EHBP1: variants seen among roughly 807,000 people sequenced by gnomAD.
EHBP1 encodes EH domain-binding protein 1.
EHBP1 carries 55 observed loss-of-function variants against 144.0 expected under a neutral mutation model. That is an observed-to-expected ratio of 0.38 (90% CI 0.31 to 0.48). The LOEUF is 0.48. Among genes scored for constraint, EHBP1 ranks in the 20% least tolerant of loss-of-function variants. The probability of loss-of-function intolerance (pLI) is 0.98; values close to 1 mark genes in which losing one functional copy is unlikely to be tolerated. For missense variants in EHBP1, 1,200 were observed against 1,364.2 expected (o/e 0.88, Z 1.90); for synonymous variants, 469 against 472.7 (o/e 0.99, Z 0.10).
intron 2 of EHBP1, among the ~76,000 whole-genome samples, chr2:62,718,979 A>ATTT (rs1397556532): frequency 7.2e-6 from 1 of 138,276 alleles, no homozygotes. Flanking sequence ...TTGAGGTAGA[A>ATTT]TTTTTTTTTT....
rs1007542487 is a variant in EHBP1 at position 62,792,028 on chromosome 2, A to G, written c.312+20636A>G. Among the ~76,000 whole-genome samples, 5 of 152,052 alleles carry G rather than the reference A, an allele frequency of 3.3e-5. No individual in the cohort carries two copies. The South Asian group carries it at 8.3e-4, about 25-fold the overall frequency. ...CAGAATTTCTGAATACAGTTGTGTT[A>G]TACTCAGCCTTCTTGCCATCCAGAT... On this transcript the variant is annotated intron_variant, in intron 5 of 22. Transcript: ENST00000431489.
chr2:62,742,477 A>G (rs558233404), intron 2 of EHBP1, among the ~76,000 whole-genome samples: 1 of 152,198 alleles, frequency 6.6e-6, no homozygotes, highest in East Asian at 1.9e-4. Context: ...ATAACCTCCT[A>G]AGATACTTAC....
chr2:62,875,936 A>G (rs963841773), intron 10 of EHBP1, among the ~76,000 whole-genome samples: 1 of 151,482 alleles, frequency 6.6e-6, no homozygotes, highest in Non-Finnish European at 1.5e-5. Flanking sequence ...AAAAATACAG[A>G]AAAAAAAAGA....
intron 10 of EHBP1, among the ~76,000 whole-genome samples, chr2:62,920,317 A>G (rs979446008): frequency 7.9e-5 from 12 of 152,208 alleles, no homozygotes; most frequent in African/African-American, 2.4e-4. Flanking sequence ...GACTGATATG[A>G]TATATTCAAA....
intron 2 of EHBP1, among the ~76,000 whole-genome samples, chr2:62,715,735 A>G (rs1229146827): frequency 2.0e-5 from 3 of 152,290 alleles, no homozygotes; most frequent in African/African-American, 2.4e-5. Flanking sequence ...GAGATCAACA[A>G]CTGGGGGATG....
intron 10 of EHBP1, among the ~76,000 whole-genome samples, chr2:62,903,652 G>C (rs1359899305): frequency 6.6e-6 from 1 of 152,100 alleles, no homozygotes; most frequent in African/African-American, 2.4e-5. Context: ...TGTAGTTCCA[G>C]CTTCTTGGGA....
intron 10 of EHBP1, among the ~76,000 whole-genome samples, chr2:62,885,120 C>T (rs1040537688): frequency 1.8e-4 from 27 of 152,114 alleles, no homozygotes; most frequent in African/African-American, 5.1e-4. Flanking sequence ...CAACTGACTG[C>T]GGAGGTGGCA....
At chr2:62,961,985 G>A (rs1450340513) in intron 14 of EHBP1, among the ~76,000 whole-genome samples, 1 of 152,016 alleles carries the variant, frequency 6.6e-6, no homozygotes, top group Admixed American at 6.6e-5. Context: ...TGGAGATTGC[G>A]CCACTACACT....
chr2:62,752,478 A>G (rs188637544), intron 3 of EHBP1, among the ~76,000 whole-genome samples: 5 of 152,208 alleles, frequency 3.3e-5, no homozygotes, highest in African/African-American at 7.2e-5. Flanking sequence ...GGAGAGTTCT[A>G]TAGATGTCTA....
chr2:62,847,291 C>T (rs958038284), intron 7 of EHBP1, among the ~76,000 whole-genome samples: 1 of 152,190 alleles, frequency 6.6e-6, no homozygotes, highest in African/African-American at 2.4e-5. Flanking sequence ...CACCTCTCCA[C>T]ATACATTAAT....
chr2:62,868,802 T>A (rs1265257614), intron 9 of EHBP1, among the ~76,000 whole-genome samples: 2 of 151,810 alleles, frequency 1.3e-5, no homozygotes, highest in Non-Finnish European at 2.9e-5. Context: ...AATTTTTTTT[T>A]AATTAGCTGG....
chr2:62,687,016 G>A (rs1261894172), intron 1 of EHBP1, among the ~76,000 whole-genome samples: 4 of 152,134 alleles, frequency 2.6e-5, no homozygotes, highest in Non-Finnish European at 5.9e-5. Context: ...GTAACTAAAA[G>A]AGCTGTATTC....
At chr2:63,009,631 T>G (rs1030739853) in intron 19 of EHBP1, among the ~76,000 whole-genome samples, 3 of 151,432 alleles carry the variant, frequency 2.0e-5, no homozygotes, top group Non-Finnish European at 4.4e-5. Context: ...ATGGAGTAAT[T>G]GGAGTATATG....
At chr2:62,725,376 G>A (rs1243744538) in intron 2 of EHBP1, among the ~76,000 whole-genome samples, 1 of 152,242 alleles carries the variant, frequency 6.6e-6, no homozygotes, top group East Asian at 1.9e-4. Context: ...CTCCAAGCCA[G>A]TGTTCACCTC....
chr2:62,704,324 A>G (rs2034375155), upstream of EHBP1, among the ~76,000 whole-genome samples: 1 of 152,212 alleles, frequency 6.6e-6, no homozygotes. Flanking sequence ...CAAGCCTTAT[A>G]TCTGTCTCCC....
In EHBP1 at chr2:62,806,392, G is replaced by A. The variant is rs533340957; in HGVS notation, c.313-19695G>A. Among the ~76,000 whole-genome samples, 303 of 150,688 alleles carry A rather than the reference G, an allele frequency of 2.0e-3. 1 individual carries two copies. Among genetic ancestry groups the A allele is most frequent in the Non-Finnish European group, 3.5e-3 (234 of 67,666 alleles). ...GTTTGTTTTTTTTTGTTTTTTTGAG[G>A]CGGAGTCTTGCTGTGTCACCCAGGT... On this transcript the variant is annotated intron_variant, in intron 5 of 22. Coordinates refer to ENST00000431489, the MANE Select transcript of EHBP1 (RefSeq NM_001142616.3).
At chr2:62,855,429 C>T (rs1040575941) in intron 7 of EHBP1, among the ~76,000 whole-genome samples, 4 of 152,126 alleles carry the variant, frequency 2.6e-5, no homozygotes, top group Non-Finnish European at 5.9e-5. Context: ...CCCTAGGCAC[C>T]ATGAATGGCA....
At chr2:62,691,099 A>G (rs148131716) in intron 1 of EHBP1, among the ~76,000 whole-genome samples, 3 of 152,348 alleles carry the variant, frequency 2.0e-5, no homozygotes, top group African/African-American at 7.2e-5. Flanking sequence ...AAGCCAATTA[A>G]AAATGCCCCT....
At chr2:63,042,063 C>T (rs984763272) in intron 21 of EHBP1, among the ~76,000 whole-genome samples, 1 of 152,060 alleles carries the variant, frequency 6.6e-6, no homozygotes, top group Admixed American at 6.6e-5. Context: ...AACACTTTGG[C>T]TCAAATGCAG....
Sources: allele counts gnomAD v4.1 joint callset (sites outside exome capture counted in the v4.1 genomes callset), GRCh38; gene constraint gnomAD v4.1.1; transcripts MANE v1.5; gene names NCBI Gene and HGNC (gene_info 2026-07-23, HGNC 2026-07-21).